CMSS1: variants seen among roughly 807,000 people sequenced by gnomAD.
CMSS1 encodes cms1 ribosomal small subunit homolog, also known as protein CMSS1.
Under a neutral mutation model 43.5 loss-of-function variants are expected in CMSS1, and 33 were observed. The observed-to-expected ratio is 0.76, with a 90% CI of 0.57 to 1.01. CMSS1 has a LOEUF of 1.01. Among genes scored for constraint, CMSS1 ranks in the 50% least tolerant of loss-of-function variants. The pLI is 0.00. For missense variants in CMSS1, 313 were observed against 326.4 expected, an observed-to-expected ratio of 0.96 and a Z score of 0.32; for synonymous variants, 115 against 117.2, an observed-to-expected ratio of 0.98 and a Z score of 0.12.
At chr3:100,004,106 CA>C (rs1414726383) in intron 1 of CMSS1, among the ~76,000 whole-genome samples, 1 of 152,112 alleles carries the variant, frequency 6.6e-6, no homozygotes, top group Non-Finnish European at 1.5e-5. Flanking sequence ...TACTGAGAGA[CA>C]GTATTGGCTT....
chr3:100,054,803 C>A lies in CMSS1; in HGVS notation c.65-92170C>A, dbSNP rs562711609. ...AATGCCTCTGGATCCCGTAACCTTG[C>A]CCCCTCTCTCTCACCATCACTGGTG... On this transcript the variant is annotated intron_variant, in intron 1 of 9. Coordinates refer to ENST00000421999, the MANE Select transcript of CMSS1 (RefSeq NM_032359.4). Among the ~76,000 whole-genome samples, 12 of 152,244 alleles carry A rather than the reference C, an allele frequency of 7.9e-5. No individual in the cohort carries two copies. In the South Asian group the frequency reaches 2.5e-3, roughly 32 times the overall value.
rs748182593 is a variant in CMSS1, at chr3:100,054,471, CATTAT to C, written c.65-92496_65-92492del. Among the ~76,000 whole-genome samples the C allele has an allele frequency of 3.8e-4, 55 of 146,420 alleles. 1 individual carries two copies. The highest frequency in any genetic ancestry group is 1.3e-3 in the African/African-American group (51 of 39,816). On this transcript the variant is annotated intron_variant, in intron 1 of 9. Transcript: ENST00000421999. ...ATGAGCCAGTCTGACCTGCTTCGTT[CATTAT>C]ATTATGTTATGTTTTGTTATGTTAT... is the stretch of plus-strand genomic sequence containing the variant.
At chr3:100,053,477 C>T (rs963178337) in intron 1 of CMSS1, among the ~76,000 whole-genome samples, 1 of 152,132 alleles carries the variant, frequency 6.6e-6, no homozygotes, top group East Asian at 1.9e-4. Flanking sequence ...GTGTCTGTAT[C>T]CAAATTTCTG....
At chr3:100,135,318 T>G (rs2066742673) in intron 1 of CMSS1, among the ~76,000 whole-genome samples, 2 of 152,086 alleles carry the variant, frequency 1.3e-5, no homozygotes, top group Non-Finnish European at 2.9e-5. Flanking sequence ...GTTCAAACAT[T>G]TAAAACAAAC....
intron 1 of CMSS1, among the ~76,000 whole-genome samples, chr3:100,068,388 G>A (rs2065703373): frequency 1.3e-5 from 2 of 151,754 alleles, no homozygotes; most frequent in Non-Finnish European, 1.5e-5. Context: ...GTGTGTCAGA[G>A]AGATATAGTA....
At chr3:99,936,466 C>T (rs1487313405) in intron 1 of CMSS1, among the ~76,000 whole-genome samples, 3 of 137,902 alleles carry the variant, frequency 2.2e-5, no homozygotes, top group Non-Finnish European at 3.1e-5. Flanking sequence ...ACCTCCACCT[C>T]CTGGGTTCAA....
chr3:99,890,727 T>C (rs538780016), intron 1 of CMSS1, among the ~76,000 whole-genome samples: 30 of 151,858 alleles, frequency 2.0e-4, no homozygotes, highest in Admixed American at 8.5e-4. Context: ...ACCAATCCGC[T>C]GTTTTTTTTT....
intron 1 of CMSS1, among the ~76,000 whole-genome samples, chr3:100,017,698 G>T (rs1304382151): frequency 6.6e-6 from 1 of 152,090 alleles, no homozygotes; most frequent in South Asian, 2.1e-4. Context: ...GCCCAGCGGG[G>T]AGGATCCCTT....
At chr3:100,046,490 C>T (rs2065281277) in intron 1 of CMSS1, among the ~76,000 whole-genome samples, 1 of 151,018 alleles carries the variant, frequency 6.6e-6, no homozygotes. Flanking sequence ...ATCTCTAGAG[C>T]TTGTTGTATA....
At chr3:99,918,658 T>TA (rs1170142450) in intron 1 of CMSS1, among the ~76,000 whole-genome samples, 2 of 152,038 alleles carry the variant, frequency 1.3e-5, no homozygotes, top group Admixed American at 1.3e-4. Context: ...TGTTGAAAGT[T>TA]AAGTCATGAT....
chr3:99,918,999 A>G (rs1707041910), intron 1 of CMSS1, among the ~76,000 whole-genome samples: 1 of 152,206 alleles, frequency 6.6e-6, no homozygotes. Flanking sequence ...ATTCTACAAC[A>G]ATAGTTTAGT....
At chr3:99,947,403 T>C (rs1708044179) in intron 1 of CMSS1, among the ~76,000 whole-genome samples, 1 of 152,212 alleles carries the variant, frequency 6.6e-6, no homozygotes, top group Non-Finnish European at 1.5e-5. Flanking sequence ...TGCCATTATT[T>C]ATGTAACCAT....
rs144848896 is a variant in CMSS1 at position 100,071,723 on chromosome 3, C to T, written c.65-75250C>T. ...CATAATTGCTCTTTCTTGGCCAAGA[C>T]TGCTCCTCCCCAAATGATCCTTGTC... On this transcript the variant is annotated intron_variant, in intron 1 of 9. Transcript: ENST00000421999. 8.5e-3 allele frequency among the ~76,000 whole-genome samples: 1,292 copies of T among 152,268 alleles called. 3 individuals are homozygous for T. Among genetic ancestry groups the T allele is most frequent in the Middle Eastern group, 0.044 (13 of 294 alleles).
intron 2 of CMSS1, among the ~76,000 whole-genome samples, chr3:100,154,443 T>TATCA (rs1377447628): frequency 6.6e-6 from 1 of 152,144 alleles, no homozygotes; most frequent in African/African-American, 2.4e-5. Flanking sequence ...GCACCCCCAC[T>TATCA]ATCAGTGTGT....
chr3:100,122,460 C>T (rs989003182), intron 1 of CMSS1, among the ~76,000 whole-genome samples: 22 of 152,304 alleles, frequency 1.4e-4, no homozygotes, highest in African/African-American at 4.6e-4. Context: ...CAGCCTAGGC[C>T]GGAGCCACAT....
intron 1 of CMSS1, among the ~76,000 whole-genome samples, chr3:100,072,235 G>A (rs374992673): frequency 6.6e-6 from 1 of 152,162 alleles, no homozygotes; most frequent in South Asian, 2.1e-4. Flanking sequence ...ATCTCCCCAA[G>A]CCCAAACCCA....
chr3:100,079,081 G>A (rs1211001823), intron 1 of CMSS1, among the ~76,000 whole-genome samples: 1 of 152,150 alleles, frequency 6.6e-6, no homozygotes. Flanking sequence ...GCATTCAGCT[G>A]AGGCTGAAAT....
At chr3:99,946,864 A>G (rs569187938) in intron 1 of CMSS1, among the ~76,000 whole-genome samples, 1 of 152,290 alleles carries the variant, frequency 6.6e-6, no homozygotes, top group Admixed American at 6.5e-5. Context: ...CACTGTCTCC[A>G]TCAAGGATAC....
At chr3:99,926,288 T>A (rs994226257) in intron 1 of CMSS1, among the ~76,000 whole-genome samples, 2 of 152,234 alleles carry the variant, frequency 1.3e-5, no homozygotes, top group African/African-American at 4.8e-5. Context: ...ACAAAATACT[T>A]CATTATGCCA....
Sources: gnomAD v4.1 joint callset for allele counts (sites outside exome capture counted in the v4.1 genomes callset) on GRCh38, gnomAD v4.1.1 for gene constraint, MANE v1.5 for transcripts, NCBI Gene and HGNC (gene_info 2026-07-23, HGNC 2026-07-21) for gene names.